RGS22: variants seen among roughly 807,000 people sequenced by gnomAD.
The protein encoded by RGS22 is regulator of G protein signaling 22, also known as regulator of G-protein signaling 22.
RGS22 carries 148 observed loss-of-function variants against 172.9 expected under a neutral mutation model. The observed-to-expected ratio is 0.86, with a 90% CI of 0.75 to 0.98. RGS22 has a LOEUF of 0.98. Ranked by LOEUF, RGS22 falls within the 50% of genes least tolerant of loss-of-function variation. The pLI, the probability that RGS22 is intolerant of heterozygous loss-of-function variation, is 0.00. For missense variants in RGS22, 1,347 were observed against 1,440.8 expected, an observed-to-expected ratio of 0.93 and a Z score of 1.05; for synonymous variants, 458 against 480.2, an observed-to-expected ratio of 0.95 and a Z score of 0.60.
intron 23 of RGS22, among the ~76,000 whole-genome samples, chr8:99,971,666 C>A (rs575408689): frequency 6.6e-6 from 1 of 152,140 alleles, no homozygotes; most frequent in Admixed American, 6.5e-5. Context: ...ATACAACTTA[C>A]AAGGGACCTG....
rs139069935 is a variant in RGS22, at chr8:99,965,673, A to G, written c.3520-243T>C. Among the ~76,000 whole-genome samples the G allele has an allele frequency of 3.8e-3, 575 of 152,278 alleles. 4 individuals are homozygous for G. The highest frequency in any genetic ancestry group is 0.013 in the African/African-American group (551 of 41,568). ...AGAAATGATTAAGTTGAATGTAAAA[A>G]TCATTCCCAAATTCTGGAATCCAAG... On this transcript the variant is annotated intron_variant, in intron 23 of 27. Coordinates refer to ENST00000360863, the MANE Select transcript of RGS22 (RefSeq NM_015668.5).
intron 2 of RGS22, among the ~76,000 whole-genome samples, chr8:100,102,108 G>T (rs2132061279): frequency 6.6e-6 from 1 of 152,186 alleles, no homozygotes; most frequent in Admixed American, 6.5e-5. Context: ...AGAAGAAAAA[G>T]GGCTCATTCT....
At position 100,037,691 on chromosome 8, in the gene RGS22, T is replaced by C. The variant is rs140508109; in HGVS notation, c.2166+1240A>G. ...GCTGAAGATTTTTGGAGGAATACTC[T>C]TTGTAGTAGTGAAAACATAATAAAA... On this transcript the variant is annotated intron_variant, in intron 14 of 27. Coordinates refer to ENST00000360863, the MANE Select transcript of RGS22 (RefSeq NM_015668.5). Among the ~76,000 whole-genome samples the C allele has an allele frequency of 3.4e-3, 515 of 152,310 alleles. 3 individuals carry two copies. The highest frequency in any genetic ancestry group is 0.012 in the African/African-American group (481 of 41,564).
At position 99,978,088 on chromosome 8, in the gene RGS22, A is replaced by T. The variant is rs1165351116; in HGVS notation, c.3361-13T>A. 2 of 1,483,442 alleles carry T rather than the reference A, an allele frequency of 1.3e-6. No homozygotes were observed. Among genetic ancestry groups the T allele is most frequent in the Admixed American group, 2.6e-5 (1 of 38,120 alleles). 91.9% of individuals were successfully genotyped at this position (1,483,442 alleles called of 1,614,324 possible). On this transcript the variant is annotated splice_polypyrimidine_tract_variant and intron_variant, in intron 22 of 27. Coordinates refer to ENST00000360863, the MANE Select transcript of RGS22 (RefSeq NM_015668.5). ...CAAAAATTGTCATCTGTATAAAAAA[A>T]AGTCTAAGATTACAATTTTATACAA...
At chr8:100,043,546 T>G (rs1820375274) in intron 11 of RGS22, among the ~76,000 whole-genome samples, 1 of 151,704 alleles carries the variant, frequency 6.6e-6, no homozygotes, top group Admixed American at 6.6e-5. Flanking sequence ...GAGGCTGAGG[T>G]AGGTGGATCA....
intron 11 of RGS22, among the ~76,000 whole-genome samples, chr8:100,044,615 G>C (rs1820513145): frequency 6.8e-6 from 1 of 146,762 alleles, no homozygotes; most frequent in Admixed American, 6.8e-5. Flanking sequence ...CCATCTCTCA[G>C]ATTACCCTTT....
chr8:99,989,566 AGG>A (rs1175094904), intron 20 of RGS22, among the ~76,000 whole-genome samples: 1 of 152,168 alleles, frequency 6.6e-6, no homozygotes, highest in African/African-American at 2.4e-5. Context: ...ATAATGTGCC[AGG>A]TGTGTTGGCT....
intron 2 of RGS22, among the ~76,000 whole-genome samples, chr8:100,096,671 ATTTT>A (rs74275402): frequency 1.4e-5 from 2 of 138,080 alleles, no homozygotes; most frequent in Non-Finnish European, 1.5e-5. Flanking sequence ...TTTAAAAAAA[ATTTT>A]TTTTTTTTTT....
At chr8:100,081,751 G>A (rs1445789136) in intron 3 of RGS22, among the ~76,000 whole-genome samples, 3 of 152,108 alleles carry the variant, frequency 2.0e-5, no homozygotes, top group African/African-American at 2.4e-5. Context: ...GATTTATCTG[G>A]AGATAGGAAA....
intron 2 of RGS22, among the ~76,000 whole-genome samples, chr8:100,102,604 T>C (rs1813587235): frequency 6.6e-6 from 1 of 152,134 alleles, no homozygotes; most frequent in African/African-American, 2.4e-5. Context: ...TCACAGGCAG[T>C]CTGGATGATG....
intron 23 of RGS22, among the ~76,000 whole-genome samples, chr8:99,968,310 CA>C (rs1479202840): frequency 1.3e-5 from 2 of 151,998 alleles, no homozygotes; most frequent in African/African-American, 4.8e-5. Flanking sequence ...TTCCAAAAAC[CA>C]GAATGCCTCT....
At chr8:100,079,624 C>T (rs541550855) in intron 4 of RGS22, among the ~76,000 whole-genome samples, 21 of 152,242 alleles carry the variant, frequency 1.4e-4, no homozygotes, top group Admixed American at 1.2e-3. Flanking sequence ...ATCAAAGTGA[C>T]TTGTACACAG....
intron 20 of RGS22, among the ~76,000 whole-genome samples, chr8:99,989,646 C>T (rs1813469918): frequency 6.6e-6 from 1 of 151,868 alleles, no homozygotes; most frequent in African/African-American, 2.4e-5. Flanking sequence ...GAGTTCAAGA[C>T]CAGCCTGGGG....
intron 3 of RGS22, among the ~76,000 whole-genome samples, chr8:100,082,275 G>T (rs1811820980): frequency 1.3e-5 from 2 of 151,974 alleles, no homozygotes; most frequent in Non-Finnish European, 2.9e-5. Flanking sequence ...TTGTTACATG[G>T]GTAAATTGCA....
At chr8:100,072,000 C>T (rs1297369080) in intron 5 of RGS22, 145 bp downstream of exon 5, 2 of 539,326 alleles carry the variant, frequency 3.7e-6, no homozygotes, top group Non-Finnish European at 6.3e-6. Context: ...AGTTCGAGAC[C>T]AGCCTGGGCA....
Position 100,081,014 on chromosome 8 carries a change from C to A in RGS22, c.118-659G>T, listed in dbSNP as rs550522112. 5.9e-5 allele frequency among the ~76,000 whole-genome samples: 9 copies of A among 152,262 alleles called. No homozygotes were observed. In the East Asian group the frequency reaches 1.7e-3, roughly 29 times the overall value. Reference sequence around the variant, plus strand: ...AGTACCTCTGTGACTCTAGGTAAATCACTGAACATTTTTGGGGCCTCCACT... The same window carrying A: ...AGTACCTCTGTGACTCTAGGTAAATAACTGAACATTTTTGGGGCCTCCACT... On this transcript the variant is annotated intron_variant, in intron 3 of 27. Transcript: ENST00000360863.
At chr8:100,099,010 G>A (rs918433305) in intron 2 of RGS22, among the ~76,000 whole-genome samples, 3 of 151,866 alleles carry the variant, frequency 2.0e-5, no homozygotes, top group African/African-American at 7.3e-5. Flanking sequence ...CCACCTCCCA[G>A]GTTCAAGCGA....
At chr8:99,962,288 CATGTTAT>C (rs1361976713) in intron 27 of RGS22, 99 bp downstream of exon 27, 11 of 705,580 alleles carry the variant, frequency 1.6e-5, no homozygotes, top group Non-Finnish European at 4.9e-6. Context: ...ATTAGTGGGA[CATGTTAT>C]ATGTGTGGTA....
intron 2 of RGS22, among the ~76,000 whole-genome samples, chr8:100,093,933 G>A (rs778447503): frequency 2.6e-5 from 4 of 152,154 alleles, no homozygotes; most frequent in African/African-American, 4.8e-5. Flanking sequence ...AAATGAAATT[G>A]AGAATGTAAA....
Sources: allele counts gnomAD v4.1 joint callset (sites outside exome capture counted in the v4.1 genomes callset), GRCh38; gene constraint gnomAD v4.1.1; transcripts MANE v1.5; gene names NCBI Gene and HGNC (gene_info 2026-07-23, HGNC 2026-07-21).